Variants in SLC39A12 observed in about 807,000 individuals in gnomAD.
SLC39A12 encodes zinc transporter ZIP12.
SLC39A12 carries 63 observed loss-of-function variants against 71.1 expected under a neutral mutation model. The ratio of observed to expected loss-of-function variants is 0.89; its 90% confidence interval spans 0.72 to 1.09. SLC39A12 has a LOEUF of 1.09. Ranked by LOEUF, SLC39A12 falls within the 50% of genes least tolerant of loss-of-function variation. The pLI is 0.00. For missense variants in SLC39A12, 892 were observed against 812.6 expected (o/e 1.10, Z -1.19); for synonymous variants, 351 against 301.3 (o/e 1.16, Z -1.71).
At chr10:18,026,009 A>G (rs1260562044) in intron 12 of SLC39A12, among the ~76,000 whole-genome samples, 1 of 152,188 alleles carries the variant, frequency 6.6e-6, no homozygotes, top group Non-Finnish European at 1.5e-5. Context: ...CTTGTATCAC[A>G]TATTCATTCA....
At position 17,980,624 on chromosome 10, in the gene SLC39A12, C is replaced by T. The variant is rs570401287; in HGVS notation, c.925-688C>T. On this transcript the variant is annotated intron_variant, in intron 5 of 12. Coordinates refer to ENST00000377369, the MANE Select transcript of SLC39A12 (RefSeq NM_001145195.2). ...CTGTGGCATTTGTTCTTTCCTTATT[C>T]TTCTCTCTCATAAATATGCCTATAC... Among the ~76,000 whole-genome samples, 4 of 152,178 alleles carry T rather than the reference C, an allele frequency of 2.6e-5. No individual in the cohort carries two copies. The South Asian group carries it at 8.3e-4, about 32-fold the overall frequency.
intron 10 of SLC39A12, among the ~76,000 whole-genome samples, chr10:17,997,938 T>G (rs539403744): frequency 6.6e-6 from 1 of 152,316 alleles, no homozygotes; most frequent in African/African-American, 2.4e-5. Context: ...GGTAAAATAT[T>G]ATACTTAATT....
At chr10:18,028,257 T>C (rs1317505743) in intron 12 of SLC39A12, among the ~76,000 whole-genome samples, 1 of 152,260 alleles carries the variant, frequency 6.6e-6, no homozygotes, top group Non-Finnish European at 1.5e-5. Flanking sequence ...GAATATTGTT[T>C]CTATATTTGA....
rs373279347 is a variant in SLC39A12 at position 18,003,187 on chromosome 10, C to G, written c.1776C>G (p.Leu592=). ...AAACTTCAGGAGACTTTGCCGTGCT[C>G]TTAAGCTCTGGACTTTCTATGAAGA... ...IPHEMGDFAV[L]LSSGLSMKTA... is the part of the protein sequence containing the mutation. Residue 592 remains leucine (L), a synonymous_variant, in exon 12 of 13, where the codon CTC becomes CTG. Transcript: ENST00000377369. 1.2e-6 allele frequency: 2 copies of G among 1,613,650 alleles called. No homozygotes were observed. Among genetic ancestry groups the G allele is most frequent in the Admixed American group, 1.7e-5 (1 of 59,926 alleles).
chr10:18,000,320 G>A (rs1328110553), intron 10 of SLC39A12, among the ~76,000 whole-genome samples: 1 of 152,218 alleles, frequency 6.6e-6, no homozygotes, highest in Non-Finnish European at 1.5e-5. Context: ...ATTTTTAAAT[G>A]CATTGCAAAA....
At chr10:18,014,207 T>A (rs1017242240) in intron 12 of SLC39A12, among the ~76,000 whole-genome samples, 1 of 152,196 alleles carries the variant, frequency 6.6e-6, no homozygotes, top group Non-Finnish European at 1.5e-5. Context: ...ATTTTCTTCT[T>A]TTTGATGATA....
intron 12 of SLC39A12, among the ~76,000 whole-genome samples, chr10:18,030,391 C>T (rs1190986849): frequency 1.3e-5 from 2 of 151,710 alleles, no homozygotes; most frequent in Non-Finnish European, 2.9e-5. Flanking sequence ...GGGCCCACCA[C>T]CACACCCAGC....
At chr10:18,025,188 G>A (rs1279246127) in intron 12 of SLC39A12, among the ~76,000 whole-genome samples, 1 of 151,418 alleles carries the variant, frequency 6.6e-6, no homozygotes, top group Non-Finnish European at 1.5e-5. Context: ...TTGCCTTTTG[G>A]TTTCTAATGA....
chr10:18,022,317 A>ATT (rs1227571775), intron 12 of SLC39A12, among the ~76,000 whole-genome samples: 2 of 143,990 alleles, frequency 1.4e-5, no homozygotes, highest in East Asian at 2.0e-4. Context: ...GGTTTTGTTT[A>ATT]TTTTTTTTTT....
At chr10:18,027,875 G>A (rs1389440376) in intron 12 of SLC39A12, among the ~76,000 whole-genome samples, 1 of 152,178 alleles carries the variant, frequency 6.6e-6, no homozygotes, top group Non-Finnish European at 1.5e-5. Flanking sequence ...CCTTCTGCAA[G>A]GACAAACTAA....
intron 4 of SLC39A12, among the ~76,000 whole-genome samples, chr10:17,977,563 G>A (rs939505943): frequency 2.6e-5 from 4 of 151,866 alleles, no homozygotes; most frequent in South Asian, 2.1e-4. Context: ...TCCCTTTCAC[G>A]GCTTTTCTTT....
chr10:18,015,778 T>C (rs1036569839), intron 12 of SLC39A12, among the ~76,000 whole-genome samples: 6 of 142,770 alleles, frequency 4.2e-5, no homozygotes, highest in Non-Finnish European at 9.3e-5. Context: ...ATAATCAACT[T>C]TTTTTTTTTT....
At chr10:18,003,570 G>C (rs1835898690) in intron 12 of SLC39A12, among the ~76,000 whole-genome samples, 1 of 152,172 alleles carries the variant, frequency 6.6e-6, no homozygotes, top group Non-Finnish European at 1.5e-5. Context: ...ATTTTCTGTA[G>C]TGTTAAAGTG....
intron 12 of SLC39A12, among the ~76,000 whole-genome samples, chr10:18,013,220 C>T (rs1836278956): frequency 6.6e-6 from 1 of 151,044 alleles, no homozygotes; most frequent in Admixed American, 6.6e-5. Context: ...CTAAATATAT[C>T]ACAATAAGCT....
At chr10:18,033,126 C>G (rs1836898639) in intron 12 of SLC39A12, among the ~76,000 whole-genome samples, 1 of 140,420 alleles carries the variant, frequency 7.1e-6, no homozygotes, top group African/African-American at 2.7e-5. Context: ...TTGGTTGTGT[C>G]TCTGCCCGGC....
At chr10:17,987,790 T>G (rs1455502901) in intron 7 of SLC39A12, 139 bp downstream of exon 7, 2 of 888,596 alleles carry the variant, frequency 2.3e-6, no homozygotes, top group Non-Finnish European at 3.4e-6. Context: ...AAAGAAATAT[T>G]ATTTCCCCAA....
In SLC39A12 at chr10:17,987,465, C is replaced by G; in HGVS notation, c.1097-14C>G. The G allele has an allele frequency of 6.2e-7, 1 of 1,612,578 alleles. No individual in the cohort carries two copies. Among genetic ancestry groups the G allele is most frequent in the Non-Finnish European group, 8.5e-7 (1 of 1,179,434 alleles). The stretch of plus-strand genomic sequence containing the variant: ...ACTGGGCACTGACTGTGTTTACGAT[C>G]TCCTTTGACTTAGAATACGGCTACA... On this transcript the variant is annotated splice_polypyrimidine_tract_variant and intron_variant, in intron 6 of 12. Coordinates refer to ENST00000377369, the MANE Select transcript of SLC39A12 (RefSeq NM_001145195.2).
chr10:17,959,793 A>G (rs568473807), intron 2 of SLC39A12, among the ~76,000 whole-genome samples: 2 of 152,290 alleles, frequency 1.3e-5, no homozygotes, highest in African/African-American at 2.4e-5. Context: ...TATGTCAAGT[A>G]AACTTCTCAG....
intron 12 of SLC39A12, among the ~76,000 whole-genome samples, chr10:18,021,822 A>G (rs1836541169): frequency 6.6e-6 from 1 of 152,184 alleles, no homozygotes. Context: ...GGTGGTTACA[A>G]ATTCCATTAG....
Sources: gnomAD v4.1 joint callset for allele counts (sites outside exome capture counted in the v4.1 genomes callset) on GRCh38, gnomAD v4.1.1 for gene constraint, MANE v1.5 for transcripts, NCBI Gene and HGNC (gene_info 2026-07-23, HGNC 2026-07-21) for gene names.